The following CC2D2B variants were observed in gnomAD, a reference collection of about 807,000 sequenced individuals.
The protein encoded by CC2D2B is coiled-coil and C2 domain containing 2B.
In CC2D2B, 128 loss-of-function variants were observed where a neutral mutation model predicts 161.2. The ratio of observed to expected loss-of-function variants is 0.79; its 90% CI spans 0.69 to 0.92. The LOEUF is 0.92. Among genes scored for constraint, CC2D2B ranks in the 40% least tolerant of loss-of-function variants. CC2D2B has a pLI of 0.00. For synonymous variants in CC2D2B, 391 were observed against 449.8 expected (o/e 0.87, Z 1.65); for missense variants, 1,173 against 1,375.1 (o/e 0.85, Z 2.32).
chr10:95,971,009 C>G (rs1477652940), intron 15 of CC2D2B, among the ~76,000 whole-genome samples: 1 of 152,156 alleles, frequency 6.6e-6, no homozygotes, highest in Non-Finnish European at 1.5e-5. Flanking sequence ...CAATTTTCCC[C>G]TCTGATTTCC....
Position 95,992,526 on chromosome 10 carries a change from G to C in CC2D2B, c.2472-1G>C, listed in dbSNP as rs2077997095. 1 of 1,233,994 alleles carries C rather than the reference G, an allele frequency of 8.1e-7. No homozygotes were observed. The highest frequency in any genetic ancestry group is 1.0e-6 in the Non-Finnish European group (1 of 988,044). The allele number at this position is 1,233,994 out of a possible 1,614,324, so 76.4% of individuals were successfully genotyped here. A position where few individuals can be genotyped will look rare whatever the true frequency, so the allele number is the denominator to read the frequency against. ...GCTAATGATCATTTTTTACCCTTTA[G>C]CCAATTGACAGATGCAGTTTGTAAG... On this transcript the variant is annotated splice_acceptor_variant, in intron 21 of 34. Coordinates refer to ENST00000646931, the MANE Select transcript of CC2D2B (RefSeq NM_001349008.3). LOFTEE classifies it high-confidence loss of function.
chr10:96,006,417 G>A (rs2078751520), intron 25 of CC2D2B, among the ~76,000 whole-genome samples: 1 of 150,880 alleles, frequency 6.6e-6, no homozygotes. Flanking sequence ...TGGCCTAACA[G>A]TCTTCTAATA....
At chr10:95,930,425 A>G (rs1300468821) in intron 6 of CC2D2B, among the ~76,000 whole-genome samples, 1 of 152,166 alleles carries the variant, frequency 6.6e-6, no homozygotes, top group Non-Finnish European at 1.5e-5. Context: ...AGAACTTCCA[A>G]TACTATGTTG....
intron 12 of CC2D2B, among the ~76,000 whole-genome samples, chr10:95,964,666 C>T (rs2076879637): frequency 6.6e-6 from 1 of 152,154 alleles, no homozygotes; most frequent in Non-Finnish European, 1.5e-5. Flanking sequence ...CCAGATTCTG[C>T]AGTGCCATTA....
intron 18 of CC2D2B, among the ~76,000 whole-genome samples, chr10:95,983,062 G>C (rs1485610769): frequency 6.6e-6 from 1 of 152,224 alleles, no homozygotes; most frequent in Non-Finnish European, 1.5e-5. Flanking sequence ...ATGAGCCACT[G>C]CGCCCAGCCT....
In CC2D2B at chr10:95,961,825, G is replaced by A. The variant is rs1264411052; in HGVS notation, c.1110-4G>A. ...AAATTTTTGCTCTGCCATTTTTGTTGTAGTAATACAAAACAGATGTATGAC... is the reference window on the plus strand; with the variant it reads ...AAATTTTTGCTCTGCCATTTTTGTTATAGTAATACAAAACAGATGTATGAC... On this transcript the variant is annotated splice_region_variant and splice_polypyrimidine_tract_variant and intron_variant, in intron 11 of 34. Transcript: ENST00000646931. 8.1e-7 allele frequency: 1 copy of A among 1,231,242 alleles called. No homozygotes were observed. The highest frequency in any genetic ancestry group is 3.2e-5 in the East Asian group (1 of 31,666). 76.3% of individuals were successfully genotyped at this position (1,231,242 alleles called of 1,614,324 possible).
intron 15 of CC2D2B, among the ~76,000 whole-genome samples, chr10:95,969,606 A>C (rs1216517157): frequency 6.6e-6 from 1 of 152,146 alleles, no homozygotes; most frequent in Non-Finnish European, 1.5e-5. Flanking sequence ...TATAAATCAC[A>C]ATTATTTTTA....
At chr10:95,990,509 G>A (rs1319055684) in intron 20 of CC2D2B, among the ~76,000 whole-genome samples, 1 of 152,176 alleles carries the variant, frequency 6.6e-6, no homozygotes, top group African/African-American at 2.4e-5. Context: ...TGGGAGAAGA[G>A]AGAGAGTGGC....
In CC2D2B at chr10:96,031,901, G is replaced by A; in HGVS notation, c.4207G>A (p.Ala1403Thr). Residue 1403 changes from alanine to threonine, a missense_variant, in exon 35 of 35, where the codon GCT (alanine) becomes ACT (threonine). This residue lies in a region of CC2D2B where 598 missense variants were observed against 693.2 expected (regional missense o/e 0.86). Transcript: ENST00000646931. ...TGTTTATCAAACTGGAATTCACTCT[G>A]CTGAATTTCCCCAGACAGAATTTGC... The part of the protein sequence containing the change: ...DAVYQTGIHS[A>T]EFPQTEFALA... 6.2e-7 allele frequency: 1 copy of A among 1,613,134 alleles called. No homozygotes were observed. The highest frequency in any genetic ancestry group is 8.5e-7 in the Non-Finnish European group (1 of 1,179,200).
In CC2D2B at chr10:95,966,214, G is replaced by A. The variant is rs1462754963; in HGVS notation, c.1378G>A (p.Glu460Lys). The change falls in exon 14 of 35, where the codon GAA (glutamate) becomes AAA (lysine). Residue 460 changes from glutamate (E) to lysine (K), a missense_variant. Physicochemically the swap from Glu to Lys is moderately conservative, Grantham distance 56 (BLOSUM62 1). This residue lies in a region of CC2D2B where 277 missense variants were observed against 420.6 expected (regional missense o/e 0.66). Coordinates refer to ENST00000646931, the MANE Select transcript of CC2D2B (RefSeq NM_001349008.3). Reference sequence around the variant, plus strand: ...GAGCCTCTCATATCTAGCTTCAGACGAAACAGAAATTGAAAGAATAAAGCC... The same window carrying A: ...GAGCCTCTCATATCTAGCTTCAGACAAAACAGAAATTGAAAGAATAAAGCC... Reference protein sequence around the residue: ...LESLSYLASDETEIERIKPIT... With the variant: ...LESLSYLASDKTEIERIKPIT... The A allele has an allele frequency of 4.2e-5, 51 of 1,223,962 alleles. No individual in the cohort carries two copies. Among genetic ancestry groups the A allele is most frequent in the Non-Finnish European group, 4.5e-5 (44 of 981,066 alleles). The allele number at this position is 1,223,962 out of a possible 1,614,324, so 75.8% of individuals were successfully genotyped here.
chr10:96,017,886 A>G (rs1437510822), intron 30 of CC2D2B, among the ~76,000 whole-genome samples: 4 of 152,182 alleles, frequency 2.6e-5, no homozygotes, highest in Non-Finnish European at 5.9e-5. Context: ...GCAGTGAGCT[A>G]TAATGGCACC....
chr10:95,947,109 ATATATTTTTTTTTTT>A (rs1377883488), intron 9 of CC2D2B, among the ~76,000 whole-genome samples: 569 of 40,058 alleles, frequency 0.014, 69 homozygotes, highest in South Asian at 0.021. Flanking sequence ...ATATATATAT[ATATATTTTTTTTTTT>A]TTTTTTGAGA....
intron 22 of CC2D2B, among the ~76,000 whole-genome samples, chr10:95,994,976 C>T (rs1245443571): frequency 2.6e-5 from 4 of 152,142 alleles, no homozygotes; most frequent in Non-Finnish European, 5.9e-5. Context: ...TTTTAATTGA[C>T]ATCCATCGTG....
chr10:96,025,142 C>A (rs2079639129), intron 33 of CC2D2B, among the ~76,000 whole-genome samples: 1 of 89,984 alleles, frequency 1.1e-5, no homozygotes. Context: ...GACGTCATCT[C>A]TACTAAAAAA....
At chr10:95,925,173 G>A (rs551694458) in intron 5 of CC2D2B, among the ~76,000 whole-genome samples, 65 of 152,328 alleles carry the variant, frequency 4.3e-4, no homozygotes, top group South Asian at 2.5e-3. Context: ...GAATTGAGGA[G>A]TGCCACTGTG....
chr10:95,915,225 T>A (rs906579144), intron 2 of CC2D2B, among the ~76,000 whole-genome samples: 1 of 152,224 alleles, frequency 6.6e-6, no homozygotes, highest in African/African-American at 2.4e-5. Flanking sequence ...GCTGTTGGCA[T>A]ATAGAAATGC....
At chr10:95,932,370 C>T (rs184017135) in intron 6 of CC2D2B, among the ~76,000 whole-genome samples, 2 of 152,254 alleles carry the variant, frequency 1.3e-5, no homozygotes, top group Admixed American at 6.5e-5. Flanking sequence ...GGGCATTTAG[C>T]CCATTTACAT....
intron 1 of CC2D2B, among the ~76,000 whole-genome samples, chr10:95,909,122 C>T (rs1204354770): frequency 6.6e-6 from 1 of 152,104 alleles, no homozygotes; most frequent in African/African-American, 2.4e-5. Context: ...TTTTGTCACG[C>T]CGTTTGTTCC....
chr10:95,929,434 C>G (rs2098545653), intron 6 of CC2D2B, among the ~76,000 whole-genome samples: 1 of 152,058 alleles, frequency 6.6e-6, no homozygotes, highest in Non-Finnish European at 1.5e-5. Context: ...CTTTTGTTGC[C>G]ATTGCTTTTG....
Sources: gnomAD v4.1 joint callset for allele counts (sites outside exome capture counted in the v4.1 genomes callset) on GRCh38, gnomAD v4.1.1 for gene constraint, gnomAD v4.1.1 regional missense constraint, MANE v1.5 for transcripts, NCBI Gene and HGNC (gene_info 2026-07-23, HGNC 2026-07-21) for gene names.